The following AAMDC variants were observed in gnomAD, a reference collection of about 807,000 sequenced individuals.
The protein encoded by AAMDC is adipogenesis associated Mth938 domain containing.
A neutral mutation model predicts 15.5 loss-of-function variants in AAMDC; 16 were observed. The observed-to-expected ratio is 1.03, with a 90% CI of 0.70 to 1.57. AAMDC has a LOEUF of 1.57. Among genes scored for constraint, AAMDC ranks in the 40% most tolerant of loss-of-function variants. The pLI is 0.00. For missense variants in AAMDC, 141 were observed against 144.9 expected, an observed-to-expected ratio of 0.97 and a Z score of 0.14; for synonymous variants, 51 against 51.6, an observed-to-expected ratio of 0.99 and a Z score of 0.05.
chr11:77,871,390 C>T (rs1262258794), intron 3 of AAMDC, among the ~76,000 whole-genome samples: 3 of 152,142 alleles, frequency 2.0e-5, no homozygotes, highest in Non-Finnish European at 2.9e-5. Flanking sequence ...GGGTAAGGCA[C>T]TATTCTAGAA....
downstream of AAMDC, among the ~76,000 whole-genome samples, chr11:77,872,964 T>A (rs1053319951): frequency 6.6e-6 from 1 of 151,966 alleles, no homozygotes; most frequent in Non-Finnish European, 1.5e-5. Flanking sequence ...AAAGAAAAAA[T>A]TCAAGTATAA....
chr11:77,821,710 G>A lies in AAMDC; in HGVS notation c.-19+469G>A, dbSNP rs143169289. On this transcript the variant is annotated intron_variant, in intron 1 of 3. Coordinates refer to ENST00000393427, the MANE Select transcript of AAMDC (RefSeq NM_024684.4). ...GCAGCGAAAAGTTTGTTAGAAGACA[G>A]GGTTCCACTTCGGGGCGGGGCGGGG... Among the ~76,000 whole-genome samples, 3 of 151,872 alleles carry A rather than the reference G, an allele frequency of 2.0e-5. No homozygotes were observed. The East Asian group carries it at 5.8e-4, about 30-fold the overall frequency.
chr11:77,884,936 T>C (rs1393819634), intron 5 of AAMDC: 1 of 226,756 alleles, frequency 4.4e-6, no homozygotes, highest in East Asian at 1.1e-4. Flanking sequence ...TTTTTAAATT[T>C]TTTTGTAGAG....
chr11:77,868,058 C>CT (rs35305436), intron 2 of AAMDC, among the ~76,000 whole-genome samples: 31,805 of 136,892 alleles, frequency 0.23, 3,969 homozygotes, highest in African/African-American at 0.29. Context: ...TCCTCTGAGC[C>CT]TTTTTTTTTT....
At chr11:77,838,078 T>C (rs1421272068) in intron 1 of AAMDC, among the ~76,000 whole-genome samples, 2 of 152,122 alleles carry the variant, frequency 1.3e-5, no homozygotes, top group Non-Finnish European at 2.9e-5. Flanking sequence ...GTCTCTTTGA[T>C]ATTAATAATA....
chr11:77,856,164 C>G (rs687615), intron 2 of AAMDC, among the ~76,000 whole-genome samples: 52,280 of 152,024 alleles, frequency 0.34, 9,180 homozygotes, highest in East Asian at 0.46. Flanking sequence ...AATCATCACT[C>G]TCAAGTTCAA....
At chr11:77,905,812 T>C (rs994912718) in intron 3 of AAMDC, among the ~76,000 whole-genome samples, 1 of 152,218 alleles carries the variant, frequency 6.6e-6, no homozygotes, top group African/African-American at 2.4e-5. Flanking sequence ...CAAAGTGATA[T>C]GCATTTATAC....
At chr11:77,862,018 G>A (rs1254268616) in intron 2 of AAMDC, among the ~76,000 whole-genome samples, 1 of 152,188 alleles carries the variant, frequency 6.6e-6, no homozygotes, top group Non-Finnish European at 1.5e-5. Flanking sequence ...CAGAAAGGCG[G>A]TAGGATTTTC....
intron 2 of AAMDC, among the ~76,000 whole-genome samples, chr11:77,847,800 A>G (rs1173426299): frequency 6.6e-6 from 1 of 152,230 alleles, no homozygotes; most frequent in Non-Finnish European, 1.5e-5. Context: ...TAGGAGATAC[A>G]TATATATAAA....
chr11:77,870,683 AT>A (rs1951389153), intron 3 of AAMDC, among the ~76,000 whole-genome samples: 2 of 152,062 alleles, frequency 1.3e-5, no homozygotes, highest in South Asian at 4.1e-4. Flanking sequence ...ATTGTAAAAG[AT>A]TTAAAAATTC....
intron 5 of AAMDC, among the ~76,000 whole-genome samples, chr11:77,896,356 T>C (rs1225675199): frequency 6.6e-6 from 1 of 152,030 alleles, no homozygotes; most frequent in Non-Finnish European, 1.5e-5. Context: ...AAAAAGCATA[T>C]TAAAGAATTT....
chr11:77,904,789 C>T (rs1368487090), downstream of AAMDC, among the ~76,000 whole-genome samples: 1 of 152,144 alleles, frequency 6.6e-6, no homozygotes, highest in Non-Finnish European at 1.5e-5. Flanking sequence ...CATCCAAATT[C>T]TGGGGAAGTG....
At chr11:77,831,080 G>C (rs1347724468) in intron 1 of AAMDC, among the ~76,000 whole-genome samples, 17 of 151,688 alleles carry the variant, frequency 1.1e-4, no homozygotes, top group Non-Finnish European at 1.5e-5. Context: ...AATTCGTCGA[G>C]GCTTCAGTGA....
At chr11:77,899,089 T>G (rs1018808675) in intron 5 of AAMDC, among the ~76,000 whole-genome samples, 1 of 152,042 alleles carries the variant, frequency 6.6e-6, no homozygotes, top group Non-Finnish European at 1.5e-5. Flanking sequence ...AATAACCCTG[T>G]GAGGAAGAGA....
chr11:77,875,828 C>T (rs1167031268), downstream of AAMDC, among the ~76,000 whole-genome samples: 1 of 152,152 alleles, frequency 6.6e-6, no homozygotes, highest in East Asian at 1.9e-4. Flanking sequence ...AGCACATTCC[C>T]AGGCTCAGCA....
chr11:77,900,740 T>C, downstream of AAMDC: 3 of 633,912 alleles, frequency 4.7e-6, no homozygotes, highest in Non-Finnish European at 5.6e-6. Flanking sequence ...TTCAGAGAAG[T>C]TACAATAATA....
intron 5 of AAMDC, among the ~76,000 whole-genome samples, chr11:77,896,156 G>T (rs532017800): frequency 6.6e-6 from 1 of 152,164 alleles, no homozygotes; most frequent in Non-Finnish European, 1.5e-5. Flanking sequence ...GATTTAAAAG[G>T]ATATTACATT....
At chr11:77,842,905 T>G (rs1160541074) in intron 2 of AAMDC, among the ~76,000 whole-genome samples, 2 of 152,200 alleles carry the variant, frequency 1.3e-5, no homozygotes, top group African/African-American at 4.8e-5. Flanking sequence ...AGGAACCACA[T>G]AACCACTACC....
At chr11:77,887,485 G>A (rs1018422298) in intron 5 of AAMDC, among the ~76,000 whole-genome samples, 3 of 152,062 alleles carry the variant, frequency 2.0e-5, no homozygotes, top group Non-Finnish European at 2.9e-5. Context: ...GGCAAAAACT[G>A]GAAGCATTCC....
Sources: gnomAD v4.1 joint callset for allele counts (sites outside exome capture counted in the v4.1 genomes callset) on GRCh38, gnomAD v4.1.1 for gene constraint, MANE v1.5 for transcripts, NCBI Gene and HGNC (gene_info 2026-07-23, HGNC 2026-07-21) for gene names.